Variants in VSIR observed in about 807,000 individuals in gnomAD.
The protein encoded by VSIR is V-type immunoglobulin domain-containing suppressor of T-cell activation.
Under a neutral mutation model 31.0 loss-of-function variants are expected in VSIR, and 10 were observed. The ratio of observed to expected loss-of-function variants is 0.32; its 90% CI spans 0.20 to 0.55. VSIR has a LOEUF of 0.55. Among genes scored for constraint, VSIR ranks in the 20% least tolerant of loss-of-function variants. The pLI, the probability that VSIR is intolerant of heterozygous loss-of-function variation, is 0.93. For synonymous variants in VSIR, 179 were observed against 180.1 expected (o/e 0.99, Z 0.05); for missense variants, 356 against 416.2 (o/e 0.86, Z 1.26).
At chr10:71,768,619 A>C (rs1840613804) in intron 1 of VSIR, among the ~76,000 whole-genome samples, 1 of 152,042 alleles carries the variant, frequency 6.6e-6, no homozygotes, top group Non-Finnish European at 1.5e-5. Flanking sequence ...CTACAGACAC[A>C]TGCCACTATG....
rs1564779572 is a variant in VSIR at position 71,760,000 on chromosome 10, T to TATATATACACAC, written c.568+867_568+868insGTGTGTATATAT. The stretch of plus-strand genomic sequence containing the variant: ...ACACACATATATATACACACACACA[T>TATATATACACAC]ACATATATATACACACACACATATA... On this transcript the variant is annotated intron_variant, in intron 3 of 6. Coordinates refer to ENST00000394957, the MANE Select transcript of VSIR (RefSeq NM_022153.2). Among the ~76,000 whole-genome samples, 8 of 26,834 alleles carry TATATATACACAC rather than the reference T, an allele frequency of 3.0e-4. 3 individuals carry two copies. The highest frequency in any genetic ancestry group is 5.5e-4 in the African/African-American group (6 of 10,894). 17.6% of individuals were successfully genotyped at this position (26,834 alleles called of 152,430 possible).
At chr10:71,763,555 G>A (rs1429154081) in intron 1 of VSIR, among the ~76,000 whole-genome samples, 1 of 152,218 alleles carries the variant, frequency 6.6e-6, no homozygotes, top group East Asian at 1.9e-4. Flanking sequence ...CAGCCAGGAG[G>A]GAGGCAGCCT....
intron 1 of VSIR, 85 bp from the exon 2 acceptor site, chr10:71,762,111 T>C (rs929909693): frequency 7.0e-7 from 1 of 1,423,754 alleles, no homozygotes. Flanking sequence ...CCTTAGCCTC[T>C]GCTACTTCCC....
chr10:71,755,252 A>C, intron 4 of VSIR, 107 bp downstream of exon 4: 1 of 1,021,444 alleles, frequency 9.8e-7, no homozygotes, highest in Non-Finnish European at 1.5e-6. Flanking sequence ...CTCAAATGAA[A>C]AGGAATTGTG....
chr10:71,765,226 C>G (rs1840505829), intron 1 of VSIR, among the ~76,000 whole-genome samples: 3 of 152,252 alleles, frequency 2.0e-5, no homozygotes, highest in Admixed American at 1.3e-4. Flanking sequence ...GACATCACCT[C>G]CTACCCCAGA....
Position 71,748,094 on chromosome 10 carries a change from C to G in VSIR, c.*3159G>C, listed in dbSNP as rs1839897448. 1 of 152,138 alleles carries G rather than the reference C, an allele frequency of 6.6e-6. No individual in the cohort carries two copies. The highest frequency in any genetic ancestry group is 1.9e-4 in the East Asian group (1 of 5,188). The allele number at this position is 152,138 out of a possible 1,614,324, so 9.4% of individuals were successfully genotyped here. A position where few individuals can be genotyped will look rare whatever the true frequency, so the allele number is the denominator to read the frequency against. Reference sequence around the variant, plus strand: ...GAAAACGTTAACCCAGCCCCCAGCACAGTCAGGCCAGCCCTGGGGAAGGCC... The same window carrying G: ...GAAAACGTTAACCCAGCCCCCAGCAGAGTCAGGCCAGCCCTGGGGAAGGCC... On this transcript the variant is annotated 3_prime_UTR_variant, in exon 7 of 7. Coordinates refer to ENST00000394957, the MANE Select transcript of VSIR (RefSeq NM_022153.2).
rs1840262532 is a variant in VSIR at position 71,759,854 on chromosome 10, C to CACACACACACATATATAT, written c.568+996_568+1013dup. 7.3e-5 allele frequency among the ~76,000 whole-genome samples: 8 copies of CACACACACACATATATAT among 109,308 alleles called. 1 individual carries two copies. The highest frequency in any genetic ancestry group is 1.0e-4 in the Non-Finnish European group (5 of 48,380). The allele number at this position is 109,308 out of a possible 152,430, so 71.7% of individuals were successfully genotyped here. A position where few individuals can be genotyped will look rare whatever the true frequency, so the allele number is the denominator to read the frequency against. ...ACACACACACACACACACATATACA[C>CACACACACACATATATAT]ACACACACACATATATATACACACA... On this transcript the variant is annotated intron_variant, in intron 3 of 6. Coordinates refer to ENST00000394957, the MANE Select transcript of VSIR (RefSeq NM_022153.2).
chr10:71,759,543 C>A (rs573864761), intron 3 of VSIR, among the ~76,000 whole-genome samples: 2 of 151,166 alleles, frequency 1.3e-5, no homozygotes, highest in Non-Finnish European at 2.9e-5. Flanking sequence ...GGCGTGGTGA[C>A]TCACACCTGT....
At chr10:71,765,338 C>T (rs1424897840) in intron 1 of VSIR, among the ~76,000 whole-genome samples, 2 of 152,270 alleles carry the variant, frequency 1.3e-5, no homozygotes, top group Non-Finnish European at 2.9e-5. Flanking sequence ...GCTGGCTCAG[C>T]AGACACGGGG....
At chr10:71,764,976 T>C (rs1840496918) in intron 1 of VSIR, among the ~76,000 whole-genome samples, 1 of 152,160 alleles carries the variant, frequency 6.6e-6, no homozygotes, top group African/African-American at 2.4e-5. Flanking sequence ...GTGCCCCTGG[T>C]TTTGTCCGTG....
intron 1 of VSIR, among the ~76,000 whole-genome samples, chr10:71,765,919 G>A (rs1190390427): frequency 6.6e-6 from 1 of 152,170 alleles, no homozygotes; most frequent in Non-Finnish European, 1.5e-5. Context: ...TTTGTCCTGG[G>A]GAGGGAGGGA....
chr10:71,773,338 C>T lies in VSIR; in HGVS notation c.82+20G>A, dbSNP rs201594327. On this transcript the variant is annotated intron_variant, in intron 1 of 6. Transcript: ENST00000394957. ...TCTTCTCCCAGCTTTTTCCCAGCGC[C>T]CCGCCTCCCCCGACCTTACCTAGGG... 2.9e-4 allele frequency: 459 copies of T among 1,594,388 alleles called. No individual in the cohort carries two copies. In the Middle Eastern group the frequency reaches 5.1e-3, roughly 18 times the overall value.
Position 71,749,687 on chromosome 10 carries a change from C to A in VSIR, c.*1566G>T, listed in dbSNP as rs1839944019. The A allele has an allele frequency of 6.6e-6, 1 of 152,392 alleles. No individual in the cohort carries two copies. The highest frequency in any genetic ancestry group is 2.4e-5 in the African/African-American group (1 of 41,454). 9.4% of individuals were successfully genotyped at this position (152,392 alleles called of 1,614,324 possible). A position where few individuals can be genotyped will look rare whatever the true frequency, so the allele number is the denominator to read the frequency against. Reference sequence around the variant, plus strand: ...AGCAGGAGGCCCTCAGTGGACCATTCCTTTGGGCCTAACTGGGGGGCTTAG... The same window carrying A: ...AGCAGGAGGCCCTCAGTGGACCATTACTTTGGGCCTAACTGGGGGGCTTAG... On this transcript the variant is annotated 3_prime_UTR_variant, in exon 7 of 7. Coordinates refer to ENST00000394957, the MANE Select transcript of VSIR (RefSeq NM_022153.2).
At chr10:71,765,607 G>A (rs1483928610) in intron 1 of VSIR, among the ~76,000 whole-genome samples, 2 of 152,170 alleles carry the variant, frequency 1.3e-5, no homozygotes, top group Non-Finnish European at 2.9e-5. Flanking sequence ...GTAGGGAAGG[G>A]ATGTTCTCCC....
chr10:71,762,063 T>A (rs377043136), intron 1 of VSIR, 37 bp from the exon 2 acceptor site: 5 of 1,553,974 alleles, frequency 3.2e-6, no homozygotes, highest in Middle Eastern at 1.7e-4. Flanking sequence ...ACCTGACTGA[T>A]CCAGTGCTAC....
Position 71,748,871 on chromosome 10 carries a change from G to T in VSIR, c.*2382C>A, listed in dbSNP as rs1485702614. ...GACGTCCCTAGTGCGTTGTAGGCAG[G>T]GCCTGTGGCCATGGATGAAGATGGA... On this transcript the variant is annotated 3_prime_UTR_variant, in exon 7 of 7. Coordinates refer to ENST00000394957, the MANE Select transcript of VSIR (RefSeq NM_022153.2). 6.5e-6 allele frequency: 1 copy of T among 152,760 alleles called. No individual in the cohort carries two copies. The highest frequency in any genetic ancestry group is 1.5e-5 in the Non-Finnish European group (1 of 68,116). 9.5% of individuals were successfully genotyped at this position (152,760 alleles called of 1,614,324 possible).
chr10:71,753,139 C>A, intron 4 of VSIR, 137 bp from the exon 5 acceptor site: 4 of 982,872 alleles, frequency 4.1e-6, no homozygotes, highest in Non-Finnish European at 5.8e-6. Flanking sequence ...GACTCCATTT[C>A]TTTTCACATG....
In VSIR at chr10:71,751,007, T is replaced by G; in HGVS notation, c.*246A>C. The G allele has an allele frequency of 2.2e-6, 1 of 464,558 alleles. No homozygotes were observed. Among genetic ancestry groups the G allele is most frequent in the Non-Finnish European group, 3.9e-6 (1 of 259,222 alleles). The allele number at this position is 464,558 out of a possible 1,614,324, so 28.8% of individuals were successfully genotyped here. A position where few individuals can be genotyped will look rare whatever the true frequency, so the allele number is the denominator to read the frequency against. ...CATTTGGCATCTGTAGCTGGTGAAT[T>G]TCAGGTCTCTAGGGGAGAATCTCAG... On this transcript the variant is annotated 3_prime_UTR_variant, in exon 7 of 7. Coordinates refer to ENST00000394957, the MANE Select transcript of VSIR (RefSeq NM_022153.2). The surrounding 1 kb of genome is among the most constrained non-coding windows in gnomAD (Gnocchi z 4.9).
At chr10:71,771,342 C>G (rs1840679029) in intron 1 of VSIR, among the ~76,000 whole-genome samples, 1 of 152,220 alleles carries the variant, frequency 6.6e-6, no homozygotes, top group African/African-American at 2.4e-5. Flanking sequence ...TCAGTGCTGG[C>G]CCAACCCCAA....
Sources: gnomAD v4.1 joint callset for allele counts (sites outside exome capture counted in the v4.1 genomes callset) on GRCh38, gnomAD v4.1.1 for gene constraint, Gnocchi (gnomAD v3.1) non-coding constraint, MANE v1.5 for transcripts, NCBI Gene and HGNC (gene_info 2026-07-23, HGNC 2026-07-21) for gene names.